The following LHFPL3 variants were observed in gnomAD, a reference collection of about 807,000 sequenced individuals.
LHFPL3 encodes the protein LHFPL tetraspan subfamily member 3 protein.
Under a neutral mutation model 19.3 loss-of-function variants are expected in LHFPL3, and 5 were observed. The ratio of observed to expected loss-of-function variants is 0.26; its 90% confidence interval spans 0.14 to 0.54. The LOEUF is 0.54. Among genes scored for constraint, LHFPL3 ranks in the 20% least tolerant of loss-of-function variants. The pLI is 0.94. For synonymous variants in LHFPL3, 133 were observed against 126.2 expected, an observed-to-expected ratio of 1.05 and a Z score of -0.36; for missense variants, 249 against 307.4, an observed-to-expected ratio of 0.81 and a Z score of 1.42.
chr7:104,768,593 A>G (rs952174915), intron 2 of LHFPL3: 2 of 152,204 alleles, frequency 1.3e-5, no homozygotes, highest in Admixed American at 6.5e-5. Context: ...CTAGATAGCC[A>G]GCTGGTTGTA....
chr7:104,505,455 A>G (rs1025907102), intron 1 of LHFPL3, among the ~76,000 whole-genome samples: 6 of 152,230 alleles, frequency 3.9e-5, no homozygotes, highest in Non-Finnish European at 8.8e-5. Context: ...AAGAGGATAA[A>G]AAGTTGAATC....
intron 1 of LHFPL3, among the ~76,000 whole-genome samples, chr7:104,420,823 A>G (rs1405750889): frequency 1.3e-5 from 2 of 151,334 alleles, no homozygotes; most frequent in Admixed American, 6.6e-5. Flanking sequence ...CGGCCTCCCA[A>G]AGTGCTGGGA....
chr7:104,665,781 T>A (rs936872667), intron 1 of LHFPL3, among the ~76,000 whole-genome samples: 1 of 152,252 alleles, frequency 6.6e-6, no homozygotes, highest in Non-Finnish European at 1.5e-5. Context: ...GAAATTGACC[T>A]GTTTTGTGTC....
At chr7:104,667,442 C>T (rs1042797469) in intron 1 of LHFPL3, among the ~76,000 whole-genome samples, 4 of 152,194 alleles carry the variant, frequency 2.6e-5, no homozygotes, top group African/African-American at 4.8e-5. Context: ...CTTTTCAAGG[C>T]TCACATCCCA....
intron 1 of LHFPL3, among the ~76,000 whole-genome samples, chr7:104,707,285 G>A (rs569478521): frequency 1.3e-5 from 2 of 152,310 alleles, no homozygotes; most frequent in Admixed American, 1.3e-4. Context: ...CCAGTTCACT[G>A]AAAAGTATAT....
chr7:104,384,787 CAAAAAAAAAAAAAAAAA>C (rs771136918), intron 1 of LHFPL3, among the ~76,000 whole-genome samples: 1 of 74,564 alleles, frequency 1.3e-5, no homozygotes, highest in Admixed American at 1.4e-4. Context: ...AACTCTATTT[CAAAAAAAAAAAAAAAAA>C]AAAAAAAGAA....
At chr7:104,341,024 A>T (rs1361019535) in intron 1 of LHFPL3, among the ~76,000 whole-genome samples, 2 of 152,234 alleles carry the variant, frequency 1.3e-5, no homozygotes, top group African/African-American at 4.8e-5. Context: ...ATCAGCTGTT[A>T]CCCAAATTAT....
chr7:104,833,038 T>TATATAATATATAATAG (rs1554349397), intron 2 of LHFPL3, among the ~76,000 whole-genome samples: 19 of 21,606 alleles, frequency 8.8e-4, no homozygotes, highest in African/African-American at 4.8e-3. Context: ...ATATTATATA[T>TATATAATATATAATAG]ATATATTATA....
rs1172968220 is a variant in LHFPL3, at chr7:104,811,549, A to G, written c.682+74638A>G. ...TCAGTCAAGAGAGCAAGGATGGATG[A>G]GCATACATATATCCCCAATCCTAGA... On this transcript the variant is annotated intron_variant, in intron 2 of 2. Coordinates refer to ENST00000424859, the MANE Select transcript of LHFPL3 (RefSeq NM_199000.3). Among the ~76,000 whole-genome samples, 6 of 152,246 alleles carry G rather than the reference A, an allele frequency of 3.9e-5. 1 individual carries two copies. The highest frequency in any genetic ancestry group is 1.4e-4 in the African/African-American group (6 of 41,538).
At position 104,725,189 on chromosome 7, in the gene LHFPL3, T is replaced by A. The variant is rs77359392; in HGVS notation, c.446-11486T>A. 9.3e-4 allele frequency among the ~76,000 whole-genome samples: 141 copies of A among 152,292 alleles called. 1 individual carries two copies. Among genetic ancestry groups the A allele is most frequent in the Non-Finnish European group, 1.6e-3 (108 of 68,006 alleles). ...AGTTAATTCTACCTCTGTTTTTTTT[T>A]ATCCCAATTTGTAACTTAGAGTTTC... is the stretch of plus-strand genomic sequence containing the variant. On this transcript the variant is annotated intron_variant, in intron 1 of 2. Coordinates refer to ENST00000424859, the MANE Select transcript of LHFPL3 (RefSeq NM_199000.3).
In LHFPL3 at chr7:104,494,532, G is replaced by T. The variant is rs770080456; in HGVS notation, c.445+165308G>T. Among the ~76,000 whole-genome samples, 38 of 151,764 alleles carry T rather than the reference G, an allele frequency of 2.5e-4. 1 individual carries two copies. Among genetic ancestry groups the T allele is most frequent in the Admixed American group, 3.9e-4 (6 of 15,226 alleles). The stretch of plus-strand genomic sequence containing the variant: ...CATCATCTTTAATAAAATCTTCCAC[G>T]CTTCACCCATGCTAAGAAAGAACTC... On this transcript the variant is annotated intron_variant, in intron 1 of 2. Transcript: ENST00000424859.
intron 2 of LHFPL3, among the ~76,000 whole-genome samples, chr7:104,854,465 C>T (rs947878872): frequency 6.6e-6 from 1 of 152,182 alleles, no homozygotes; most frequent in Admixed American, 6.5e-5. Context: ...ATAATCAGCT[C>T]AAAATTATCC....
intron 1 of LHFPL3, among the ~76,000 whole-genome samples, chr7:104,400,593 C>G (rs1791295824): frequency 6.6e-6 from 1 of 152,114 alleles, no homozygotes. Flanking sequence ...TACCTGTCAT[C>G]TGATTATTAT....
intron 2 of LHFPL3, among the ~76,000 whole-genome samples, chr7:104,793,304 G>C (rs1469968036): frequency 1.3e-5 from 2 of 152,174 alleles, no homozygotes; most frequent in Non-Finnish European, 2.9e-5. Flanking sequence ...AAACAGAGGA[G>C]AGGTGGGAAA....
At chr7:104,561,907 G>T (rs1042159420) in intron 1 of LHFPL3, among the ~76,000 whole-genome samples, 5 of 152,064 alleles carry the variant, frequency 3.3e-5, no homozygotes, top group Non-Finnish European at 5.9e-5. Flanking sequence ...GCATTTGCTT[G>T]TCTGTAAAGG....
intron 2 of LHFPL3, among the ~76,000 whole-genome samples, chr7:104,748,741 G>A (rs1402458444): frequency 2.0e-5 from 3 of 152,124 alleles, no homozygotes; most frequent in African/African-American, 7.2e-5. Flanking sequence ...TCAGAGGCTG[G>A]TGGGATCCTC....
At chr7:104,665,707 C>G (rs1346043199) in intron 1 of LHFPL3, among the ~76,000 whole-genome samples, 2 of 152,196 alleles carry the variant, frequency 1.3e-5, no homozygotes, top group Non-Finnish European at 2.9e-5. Flanking sequence ...TATCTCTGCT[C>G]AAAGGTGAGT....
chr7:104,508,052 G>C (rs1445721505), intron 1 of LHFPL3, among the ~76,000 whole-genome samples: 1 of 148,780 alleles, frequency 6.7e-6, no homozygotes, highest in Non-Finnish European at 1.5e-5. Flanking sequence ...TCAGTGTGGT[G>C]ATTCCTCAGG....
chr7:104,532,318 C>CTTTTTTTTTTTTTTTTT (rs71155504), intron 1 of LHFPL3, among the ~76,000 whole-genome samples: 24 of 87,230 alleles, frequency 2.8e-4, no homozygotes, highest in South Asian at 4.9e-4. Context: ...TTCTTTCTGT[C>CTTTTTTTTTTTTTTTTT]TTTTTTTTTT....
Sources: gnomAD v4.1 joint callset for allele counts (sites outside exome capture counted in the v4.1 genomes callset) on GRCh38, gnomAD v4.1.1 for gene constraint, MANE v1.5 for transcripts, NCBI Gene and HGNC (gene_info 2026-07-23, HGNC 2026-07-21) for gene names.